UBE3C: variants seen among roughly 807,000 people sequenced by gnomAD.
The protein encoded by UBE3C is ubiquitin-protein ligase E3C.
Under a neutral mutation model 129.4 loss-of-function variants are expected in UBE3C, and 42 were observed. The ratio of observed to expected loss-of-function variants is 0.32; its 90% CI spans 0.25 to 0.42. The LOEUF is 0.42. Ranked by LOEUF, UBE3C falls within the 10% of genes least tolerant of loss-of-function variation. UBE3C has a pLI of 1.00. For missense variants in UBE3C, 1,049 were observed against 1,319.1 expected, an observed-to-expected ratio of 0.80 and a Z score of 3.17; for synonymous variants, 510 against 492.4, an observed-to-expected ratio of 1.04 and a Z score of -0.47.
Position 157,174,950 on chromosome 7 carries a change from GCT to G in UBE3C, c.379_380del (p.Leu127ValfsTer9). The G allele has an allele frequency of 6.2e-7, 1 of 1,612,646 alleles. No individual in the cohort carries two copies. Among genetic ancestry groups the G allele is most frequent in the Non-Finnish European group, 8.5e-7 (1 of 1,179,454 alleles). On this transcript the variant is annotated frameshift_variant, in exon 5 of 23. Transcript: ENST00000348165. LOFTEE classifies it high-confidence loss of function. ...CTGTATCAGAACTTAATTAAACACA[GCT>G]CTCTGTTTGTCAAGCAGTTGGATGG...
At chr7:157,226,311 C>T (rs1241625215) in intron 17 of UBE3C, among the ~76,000 whole-genome samples, 2 of 152,186 alleles carry the variant, frequency 1.3e-5, no homozygotes, top group Non-Finnish European at 2.9e-5. Flanking sequence ...ACTGTGATAG[C>T]ATTTGGAGCT....
At chr7:157,256,592 C>T (rs1040281610) in intron 21 of UBE3C, 9 of 192,304 alleles carry the variant, frequency 4.7e-5, no homozygotes, top group Non-Finnish European at 8.5e-5. Context: ...GGGTTCTGTC[C>T]ACATCCATGG....
chr7:157,253,612 C>T (rs1031009257), intron 19 of UBE3C, among the ~76,000 whole-genome samples: 2 of 147,398 alleles, frequency 1.4e-5, no homozygotes, highest in African/African-American at 2.5e-5. Flanking sequence ...TCTGACTTAA[C>T]GGTGATTGTT....
At chr7:157,180,599 T>C (rs1808642586) in intron 6 of UBE3C, among the ~76,000 whole-genome samples, 2 of 152,222 alleles carry the variant, frequency 1.3e-5, no homozygotes, top group Admixed American at 6.5e-5. Context: ...TTGTATATGA[T>C]GAGATACTCA....
chr7:157,212,079 G>T (rs1370412498), intron 13 of UBE3C, among the ~76,000 whole-genome samples: 1 of 152,114 alleles, frequency 6.6e-6, no homozygotes, highest in African/African-American at 2.4e-5. Flanking sequence ...ATTCTCATTT[G>T]ATGTATTTCC....
chr7:157,225,619 T>A, intron 17 of UBE3C, 80 bp downstream of exon 17: 15 of 1,426,138 alleles, frequency 1.1e-5, no homozygotes, highest in Non-Finnish European at 1.4e-5. Flanking sequence ...TCTTTAAAAA[T>A]TAGTGTCCAT....
At chr7:157,170,957 T>TTA (rs1808351810) in intron 4 of UBE3C, among the ~76,000 whole-genome samples, 1 of 151,706 alleles carries the variant, frequency 6.6e-6, no homozygotes, top group African/African-American at 2.4e-5. Context: ...CAGGTGTGTG[T>TTA]ACACCTTGTT....
At chr7:157,206,339 T>C (rs1809432822) in intron 11 of UBE3C, among the ~76,000 whole-genome samples, 1 of 151,704 alleles carries the variant, frequency 6.6e-6, no homozygotes, top group Non-Finnish European at 1.5e-5. Flanking sequence ...CTCGGCTCAC[T>C]GCAACCTCCG....
At chr7:157,144,207 G>A in intron 1 of UBE3C, among the ~76,000 whole-genome samples, 1 of 152,202 alleles carries the variant, frequency 6.6e-6, no homozygotes, top group Non-Finnish European at 1.5e-5. Flanking sequence ...GAGGCGGGAG[G>A]ATCGCTGGAT....
chr7:157,244,162 G>A (rs1271216217), intron 18 of UBE3C, among the ~76,000 whole-genome samples: 5 of 152,104 alleles, frequency 3.3e-5, no homozygotes, highest in Non-Finnish European at 7.4e-5. Context: ...CCCAGGAGGC[G>A]GAGGTTGCAG....
At chr7:157,236,935 T>C (rs1328578587) in intron 18 of UBE3C, among the ~76,000 whole-genome samples, 1 of 152,052 alleles carries the variant, frequency 6.6e-6, no homozygotes, top group Non-Finnish European at 1.5e-5. Flanking sequence ...TTTCATCATG[T>C]TGGCCAAGCT....
At chr7:157,263,104 T>G (rs1796962552) in intron 22 of UBE3C, 1 of 152,468 alleles carries the variant, frequency 6.6e-6, no homozygotes, top group Non-Finnish European at 1.5e-5. Context: ...CAGCATCCTC[T>G]TACATCTGCA....
intron 1 of UBE3C, among the ~76,000 whole-genome samples, chr7:157,154,201 A>G (rs1352493224): frequency 6.6e-6 from 1 of 151,808 alleles, no homozygotes; most frequent in Non-Finnish European, 1.5e-5. Flanking sequence ...GGCGGCTGTA[A>G]TCCCAGCAAC....
chr7:157,191,373 C>T (rs981089199), intron 10 of UBE3C, among the ~76,000 whole-genome samples: 1 of 152,222 alleles, frequency 6.6e-6, no homozygotes, highest in African/African-American at 2.4e-5. Context: ...CTCACTGAAA[C>T]CCCGCCTCCC....
rs73743335 is a variant in UBE3C, at chr7:157,256,553, T to A, written c.2951-361T>A. 1,089 of 161,896 alleles carry A rather than the reference T, an allele frequency of 6.7e-3. 17 individuals are homozygous for A. The highest frequency in any genetic ancestry group is 0.025 in the African/African-American group (1,034 of 41,880). 10.0% of individuals were successfully genotyped at this position (161,896 alleles called of 1,614,324 possible). ...GGGGGGAGGCAGAGAATTCCGCTTT[T>A]GCATTTACAATCGGTCCTTCATATC... On this transcript the variant is annotated intron_variant, in intron 21 of 22. Transcript: ENST00000348165.
At chr7:157,217,886 G>C (rs1795625670) in intron 14 of UBE3C, among the ~76,000 whole-genome samples, 1 of 151,992 alleles carries the variant, frequency 6.6e-6, no homozygotes, top group South Asian at 2.1e-4. Flanking sequence ...GCCGGGCATG[G>C]TAAGTGTCCC....
At chr7:157,175,816 CT>C (rs1382665413) in intron 5 of UBE3C, among the ~76,000 whole-genome samples, 2 of 152,074 alleles carry the variant, frequency 1.3e-5, no homozygotes, top group African/African-American at 4.8e-5. Context: ...CTTTAATAAA[CT>C]TTTAGTTTGA....
intron 11 of UBE3C, among the ~76,000 whole-genome samples, chr7:157,203,920 A>G (rs1809358563): frequency 6.6e-6 from 1 of 152,244 alleles, no homozygotes; most frequent in Admixed American, 6.5e-5. Context: ...AGCTTAGCCT[A>G]GCCTACCTAA....
In UBE3C at chr7:157,216,798, A is replaced by C. The variant is rs950760882; in HGVS notation, c.1810-69A>C. On this transcript the variant is annotated intron_variant, in intron 13 of 22. Coordinates refer to ENST00000348165, the MANE Select transcript of UBE3C (RefSeq NM_014671.3). ...CCGCTGTGTGCTCCTCCTCGAGTGA[A>C]TGTATGGCTCACTGTGCATTGTGCT... The C allele has an allele frequency of 4.0e-6, 5 of 1,246,576 alleles. No individual in the cohort carries two copies. In the Admixed American group the frequency reaches 5.6e-5, roughly 14 times the overall value. 77.2% of individuals were successfully genotyped at this position (1,246,576 alleles called of 1,614,324 possible). A position where few individuals can be genotyped will look rare whatever the true frequency, so the allele number is the denominator to read the frequency against.
Sources: gnomAD v4.1 joint callset for allele counts (sites outside exome capture counted in the v4.1 genomes callset) on GRCh38, gnomAD v4.1.1 for gene constraint, MANE v1.5 for transcripts, NCBI Gene and HGNC (gene_info 2026-07-23, HGNC 2026-07-21) for gene names.